USP6NL: variants seen among roughly 807,000 people sequenced by gnomAD.
USP6NL encodes the protein USP6 N-terminal like, also known as USP6 N-terminal-like protein.
A neutral mutation model predicts 61.9 loss-of-function variants in USP6NL; 26 were observed. That is an observed-to-expected ratio of 0.42 (90% CI 0.31 to 0.58). The LOEUF is 0.58. USP6NL is among the 20% of genes least tolerant of loss of function. USP6NL has a pLI of 0.16. For missense variants in USP6NL, 1,114 were observed against 1,034.3 expected, an observed-to-expected ratio of 1.08 and a Z score of -1.06; for synonymous variants, 432 against 390.1, an observed-to-expected ratio of 1.11 and a Z score of -1.27.
rs578026179 is a variant in USP6NL, at chr10:11,462,049, C to T, written c.*392G>A. On this transcript the variant is annotated 3_prime_UTR_variant, in exon 15 of 15. Coordinates refer to ENST00000609104, the MANE Select transcript of USP6NL (RefSeq NM_014688.5). ...TATCTATTAAAAGACACATACACTA[C>T]ATATAGCCTTAAAAATATCTATTCT... is the stretch of plus-strand genomic sequence containing the variant. The T allele has an allele frequency of 5.3e-6, 1 of 188,946 alleles. No homozygotes were observed. Among genetic ancestry groups the T allele is most frequent in the African/African-American group, 2.4e-5 (1 of 42,406 alleles). The allele number at this position is 188,946 out of a possible 1,614,324, so 11.7% of individuals were successfully genotyped here.
At position 11,463,234 on chromosome 10, in the gene USP6NL, A is replaced by G; in HGVS notation, c.1694T>C (p.Val565Ala). ...GTAAGCCCTTTCCAGCGCCTCCTCC[A>G]CGGAAGCGCCGCTGTCCAGCTCCGG... is the stretch of plus-strand genomic sequence containing the variant. Reference protein sequence around the residue: ...PGPELDSGASVEEALERAYSQ... With the variant: ...PGPELDSGASAEEALERAYSQ... The change falls in exon 15 of 15, where the codon GTG becomes GCG. Residue 565 changes from valine to alanine, a missense_variant. Coordinates refer to ENST00000609104, the MANE Select transcript of USP6NL (RefSeq NM_014688.5). This position sits in a 1 kb window ranked among gnomAD's most constrained non-coding sequence, Gnocchi z 6.3. 6.2e-7 allele frequency: 1 copy of G among 1,613,514 alleles called. No individual in the cohort carries two copies. The highest frequency in any genetic ancestry group is 8.5e-7 in the Non-Finnish European group (1 of 1,179,872).
intron 4 of USP6NL, among the ~76,000 whole-genome samples, chr10:11,524,590 G>A (rs1014595517): frequency 6.6e-6 from 1 of 152,082 alleles, no homozygotes; most frequent in African/African-American, 2.4e-5. Flanking sequence ...TCAGAGGACT[G>A]TACATTACTG....
intron 14 of USP6NL, among the ~76,000 whole-genome samples, chr10:11,477,674 C>A (rs1833028695): frequency 6.6e-6 from 1 of 152,044 alleles, no homozygotes; most frequent in African/African-American, 2.4e-5. Flanking sequence ...CAGGAATAAC[C>A]ATTCAAAATG....
Position 11,485,883 on chromosome 10 carries a change from G to A in USP6NL, c.693C>T (p.Leu231=), listed in dbSNP as rs1056944341. 2.6e-6 allele frequency: 4 copies of A among 1,553,178 alleles called. No individual in the cohort carries two copies. Among genetic ancestry groups the A allele is most frequent in the Non-Finnish European group, 3.5e-6 (4 of 1,148,902 alleles). Residue 231 remains leucine, a synonymous_variant, in exon 11 of 15, where the codon CTC becomes CTT. Coordinates refer to ENST00000609104, the MANE Select transcript of USP6NL (RefSeq NM_014688.5). The surrounding 1 kb of genome is among the most constrained non-coding windows in gnomAD (Gnocchi z 4.8). ...TTTCATGATGTTCTTGAAACCTCAA[G>A]AGTTTAGGAAAACCTTGGACAAAAA... ...HGFFVQGFPK[L]LRFQEHHEKI...
Position 11,489,274 on chromosome 10 carries a change from C to T in USP6NL, c.544-52G>A. 1 of 1,563,718 alleles carries T rather than the reference C, an allele frequency of 6.4e-7. No homozygotes were observed. The highest frequency in any genetic ancestry group is 1.1e-5 in the South Asian group (1 of 88,434). ...CTGGGGAGTTCAGTCGAATTACATG[C>T]ATATGTACAGAGAAAAAGCTACTCT... On this transcript the variant is annotated intron_variant, in intron 9 of 14. Coordinates refer to ENST00000609104, the MANE Select transcript of USP6NL (RefSeq NM_014688.5). This position sits in a 1 kb window ranked among gnomAD's most constrained non-coding sequence, Gnocchi z 5.7.
chr10:11,586,780 G>A (rs1837981386), intron 2 of USP6NL, among the ~76,000 whole-genome samples: 1 of 129,608 alleles, frequency 7.7e-6, no homozygotes, highest in African/African-American at 2.9e-5. Flanking sequence ...GAGGCAAGAG[G>A]GGAGTACTTG....
At chr10:11,466,705 C>T (rs1188233061) in intron 14 of USP6NL, among the ~76,000 whole-genome samples, 1 of 152,172 alleles carries the variant, frequency 6.6e-6, no homozygotes, top group African/African-American at 2.4e-5. Context: ...ACCGTGTGAA[C>T]ATCAGAGTGC....
Position 11,485,841 on chromosome 10 carries a change from A to C in USP6NL, c.735T>G (p.Phe245Leu). The C allele has an allele frequency of 6.4e-7, 1 of 1,555,842 alleles. No individual in the cohort carries two copies. Among genetic ancestry groups the C allele is most frequent in the Non-Finnish European group, 8.7e-7 (1 of 1,149,484 alleles). The change falls in exon 11 of 15, where the codon TTT (phenylalanine) becomes TTG (leucine). Residue 245 changes from phenylalanine (F) to leucine (L), a missense_variant. Physicochemically the swap from Phe to Leu is conservative, Grantham distance 22 (BLOSUM62 0). Transcript: ENST00000609104. The surrounding 1 kb of genome is among the most constrained non-coding windows in gnomAD (Gnocchi z 4.8). ...CCAAGTGTTGCTTAAGCTTGGACAG[A>C]AATTTGTTCAGTATTTTTTCATGAT... The part of the protein sequence containing the change: ...QEHHEKILNK[F>L]LSKLKQHLDS...
In USP6NL at chr10:11,491,398, A is replaced by T. The variant is rs1454853290; in HGVS notation, c.495-518T>A. On this transcript the variant is annotated intron_variant, in intron 8 of 14. Coordinates refer to ENST00000609104, the MANE Select transcript of USP6NL (RefSeq NM_014688.5). This position sits in a 1 kb window ranked among gnomAD's most constrained non-coding sequence, Gnocchi z 4.7. ...GCTCCACTCATCATTCTCTCTAGAG[A>T]TCCACTAGCAAAGCGTTTGCTTCTT... Among the ~76,000 whole-genome samples the T allele has an allele frequency of 6.6e-6, 1 of 152,172 alleles. No homozygotes were observed. Among genetic ancestry groups the T allele is most frequent in the African/African-American group, 2.4e-5 (1 of 41,430 alleles).
In USP6NL at chr10:11,463,416, C is replaced by T; in HGVS notation, c.1512G>A (p.Met504Ile). 1.7e-5 allele frequency: 28 copies of T among 1,614,062 alleles called. No homozygotes were observed. Among genetic ancestry groups the T allele is most frequent in the Non-Finnish European group, 2.4e-5 (28 of 1,179,904 alleles). Residue 504 changes from methionine (M) to isoleucine (I), a missense_variant, in exon 15 of 15, where the codon ATG becomes ATA. Transcript: ENST00000609104. The surrounding 1 kb of genome is among the most constrained non-coding windows in gnomAD (Gnocchi z 6.3). ...GGTGCGCTGCTCGACCTTTGCCTTCCATGGTGTATTTGGCAGTTCTCTCTG... is the reference window on the plus strand; with the variant it reads ...GGTGCGCTGCTCGACCTTTGCCTTCTATGGTGTATTTGGCAGTTCTCTCTG... Reference protein sequence around the residue: ...SATERTAKYTMEGKGRAAHPA... With the variant: ...SATERTAKYTIEGKGRAAHPA...
Position 11,575,005 on chromosome 10 carries a change from T to A in USP6NL, c.4+22626A>T, listed in dbSNP as rs928645717. Among the ~76,000 whole-genome samples the A allele has an allele frequency of 6.6e-6, 1 of 152,206 alleles. No homozygotes were observed. Among genetic ancestry groups the A allele is most frequent in the African/African-American group, 2.4e-5 (1 of 41,440 alleles). ...TACCACCCATAATGTATGCTCCATA[T>A]GGGTGTTAGGTTCAGAAATCAGTGC... is the stretch of plus-strand genomic sequence containing the variant. On this transcript the variant is annotated intron_variant, in intron 2 of 14. Transcript: ENST00000609104. The surrounding 1 kb of genome is among the most constrained non-coding windows in gnomAD (Gnocchi z 4.2).
chr10:11,527,175 C>T (rs1056562407), intron 3 of USP6NL, among the ~76,000 whole-genome samples: 5 of 151,910 alleles, frequency 3.3e-5, no homozygotes, highest in Middle Eastern at 3.2e-3. Flanking sequence ...CTCAGTAAGA[C>T]GATAGCATCT....
Position 11,570,339 on chromosome 10 carries a change from T to C in USP6NL, c.4+27292A>G, listed in dbSNP as rs56341862. ...GCAGCAAGTATTCAATATATGTTTA[T>C]TGAATAAAATGAATGAGGAGGCTAC... is the stretch of plus-strand genomic sequence containing the variant. On this transcript the variant is annotated intron_variant, in intron 2 of 14. Transcript: ENST00000609104. Among the ~76,000 whole-genome samples, 490 of 152,272 alleles carry C rather than the reference T, an allele frequency of 3.2e-3. 6 individuals are homozygous for C. The highest frequency in any genetic ancestry group is 0.011 in the African/African-American group (476 of 41,554).
At chr10:11,516,311 G>GA (rs1343342129) in intron 5 of USP6NL, among the ~76,000 whole-genome samples, 9 of 152,174 alleles carry the variant, frequency 5.9e-5, no homozygotes, top group Non-Finnish European at 4.4e-5. Context: ...TTCCCCAATG[G>GA]AAATAAGAGC....
chr10:11,556,250 C>T (rs572978864), intron 2 of USP6NL, among the ~76,000 whole-genome samples: 1 of 152,104 alleles, frequency 6.6e-6, no homozygotes, highest in African/African-American at 2.4e-5. Flanking sequence ...TTGAATAAGT[C>T]AGGGATTAAT....
Position 11,470,928 on chromosome 10 carries a change from G to A in USP6NL, c.1079-7079C>T, listed in dbSNP as rs1832715926. On this transcript the variant is annotated intron_variant, in intron 14 of 14. Transcript: ENST00000609104. The surrounding 1 kb of genome is among the most constrained non-coding windows in gnomAD (Gnocchi z 5.4). ...AGGCCTGGCGTGGTGGCTCACGCCT[G>A]TAATCCCAGCACTTTGGGAGGCCGA... Among the ~76,000 whole-genome samples the A allele has an allele frequency of 6.6e-6, 1 of 152,324 alleles. No homozygotes were observed. The highest frequency in any genetic ancestry group is 1.5e-5 in the Non-Finnish European group (1 of 68,020).
chr10:11,463,689 C>T lies in USP6NL; in HGVS notation c.1239G>A (p.Glu413=), dbSNP rs770309648. The part of the protein sequence containing the change: ...RESGAPHRRH[E]HSPHPQSRTG... ...TCCTGCTCTGGGGGTGCGGGGAGTG[C>T]TCGTGCCTCCTGTGGGGCGCCCCGC... The change falls in exon 15 of 15, where the codon GAG becomes GAA. Residue 413 remains glutamate (E), a synonymous_variant. Transcript: ENST00000609104. This position sits in a 1 kb window ranked among gnomAD's most constrained non-coding sequence, Gnocchi z 6.3. The T allele has an allele frequency of 1.2e-6, 2 of 1,613,662 alleles. No homozygotes were observed. The highest frequency in any genetic ancestry group is 1.6e-4 in the Middle Eastern group (1 of 6,062).
rs1282285373 is a variant in USP6NL at position 11,553,774 on chromosome 10, T to C, written c.5-26207A>G. ...AGCAAGGCATGGTGGTGGGCGCCTG[T>C]AATCCCAACTACTCGCGAGGCTCAG... On this transcript the variant is annotated intron_variant, in intron 2 of 14. Coordinates refer to ENST00000609104, the MANE Select transcript of USP6NL (RefSeq NM_014688.5). This position sits in a 1 kb window ranked among gnomAD's most constrained non-coding sequence, Gnocchi z 4.8. Among the ~76,000 whole-genome samples, 1 of 151,576 alleles carries C rather than the reference T, an allele frequency of 6.6e-6. No individual in the cohort carries two copies. The highest frequency in any genetic ancestry group is 1.5e-5 in the Non-Finnish European group (1 of 67,960).
rs1322035107 is a variant in USP6NL, at chr10:11,490,300, A to AT, written c.543+531dup. Among the ~76,000 whole-genome samples the AT allele has an allele frequency of 1.2e-4, 18 of 152,310 alleles. No individual in the cohort carries two copies. Among genetic ancestry groups the AT allele is most frequent in the Admixed American group, 9.1e-4 (14 of 15,306 alleles). ...TCCAACACAAATTAATCTATCCCAG[A>AT]TTATCTTCTCCCCCAACAATGCTGA... On this transcript the variant is annotated intron_variant, in intron 9 of 14. Transcript: ENST00000609104. This position sits in a 1 kb window ranked among gnomAD's most constrained non-coding sequence, Gnocchi z 4.5.
Sources: gnomAD v4.1 joint callset for allele counts (sites outside exome capture counted in the v4.1 genomes callset) on GRCh38, gnomAD v4.1.1 for gene constraint, Gnocchi (gnomAD v3.1) non-coding constraint, MANE v1.5 for transcripts, NCBI Gene and HGNC (gene_info 2026-07-23, HGNC 2026-07-21) for gene names.